The following GRIK3 variants were observed in gnomAD, a reference collection of about 807,000 sequenced individuals.
GRIK3 encodes the protein glutamate ionotropic receptor kainate type subunit 3, also known as glutamate receptor ionotropic, kainate 3.
Under a neutral mutation model 102.5 loss-of-function variants are expected in GRIK3, and 29 were observed. That is an observed-to-expected ratio of 0.28 (90% confidence interval 0.21 to 0.39). The LOEUF is 0.39. GRIK3 is among the 10% of genes least tolerant of loss of function. The probability of loss-of-function intolerance (pLI) is 1.00; values close to 1 mark genes in which losing one functional copy is unlikely to be tolerated. For synonymous variants in GRIK3, 511 were observed against 504.9 expected (o/e 1.01, Z -0.16); for missense variants, 908 against 1,252.4 (o/e 0.73, Z 4.15).
intron 1 of GRIK3, among the ~76,000 whole-genome samples, chr1:37,013,641 T>A (rs1642621810): frequency 6.6e-6 from 1 of 152,234 alleles, no homozygotes; most frequent in African/African-American, 2.4e-5. Context: ...CGTGCAATGC[T>A]GGATCCTCCA....
chr1:36,836,551 A>G (rs1640381628), intron 10 of GRIK3, among the ~76,000 whole-genome samples: 1 of 152,218 alleles, frequency 6.6e-6, no homozygotes, highest in Non-Finnish European at 1.5e-5. Context: ...GTTACTGGGA[A>G]GCAGAGCGGA....
intron 1 of GRIK3, among the ~76,000 whole-genome samples, chr1:36,982,947 G>A (rs972966368): frequency 6.6e-6 from 1 of 152,186 alleles, no homozygotes; most frequent in Non-Finnish European, 1.5e-5. Flanking sequence ...CATCTCCGCG[G>A]ACAATTAAAA....
intron 1 of GRIK3, among the ~76,000 whole-genome samples, chr1:36,981,975 C>T (rs1642253882): frequency 1.3e-5 from 2 of 152,126 alleles, no homozygotes; most frequent in Non-Finnish European, 2.9e-5. Flanking sequence ...AATAAGCAAA[C>T]GGGGAGCGGG....
intron 10 of GRIK3, among the ~76,000 whole-genome samples, chr1:36,829,730 T>C (rs1642795136): frequency 1.3e-5 from 2 of 152,164 alleles, no homozygotes; most frequent in African/African-American, 2.4e-5. Flanking sequence ...TGAGGTCACC[T>C]GGCCCCCACC....
chr1:36,909,693 G>A (rs1641325016), intron 1 of GRIK3, among the ~76,000 whole-genome samples: 1 of 152,034 alleles, frequency 6.6e-6, no homozygotes, highest in Non-Finnish European at 1.5e-5. Flanking sequence ...AGAAGGCTCT[G>A]TAGCTTCCTG....
intron 1 of GRIK3, among the ~76,000 whole-genome samples, chr1:36,967,162 T>C (rs1642089114): frequency 6.6e-6 from 1 of 152,300 alleles, no homozygotes; most frequent in African/African-American, 2.4e-5. Context: ...CACTAGACAA[T>C]GACAATATAG....
chr1:36,851,268 T>C (rs1376302273), intron 8 of GRIK3, among the ~76,000 whole-genome samples: 2 of 152,260 alleles, frequency 1.3e-5, no homozygotes, highest in African/African-American at 2.4e-5. Context: ...TGGGTAATTC[T>C]GCCTTAATCC....
chr1:36,817,478 TC>T (rs1158805249), intron 12 of GRIK3, among the ~76,000 whole-genome samples: 1 of 152,024 alleles, frequency 6.6e-6, no homozygotes, highest in African/African-American at 2.4e-5. Flanking sequence ...CTTGGGCCCT[TC>T]CCCAGCACTC....
chr1:36,955,527 A>G (rs554259559), intron 1 of GRIK3, among the ~76,000 whole-genome samples: 88 of 151,802 alleles, frequency 5.8e-4, no homozygotes, highest in African/African-American at 2.0e-3. Flanking sequence ...ACACAGACAT[A>G]CCCCCGCCCC....
chr1:36,879,882 G>A (rs533736076), intron 3 of GRIK3, among the ~76,000 whole-genome samples: 17 of 152,302 alleles, frequency 1.1e-4, no homozygotes, highest in African/African-American at 1.7e-4. Flanking sequence ...TGGTGCTGAC[G>A]TCTGCAAGCT....
chr1:36,801,760 A>G lies in GRIK3; in HGVS notation c.*91T>C, dbSNP rs1416417269. On this transcript the variant is annotated 3_prime_UTR_variant, in exon 16 of 16. Coordinates refer to ENST00000373091, the MANE Select transcript of GRIK3 (RefSeq NM_000831.4). Reference sequence around the variant, plus strand: ...AGGCAGGTGGCAGCTCTGGTCCCCAAGCCCAGTGCGGGGACAGGGGACGTT... The same window carrying G: ...AGGCAGGTGGCAGCTCTGGTCCCCAGGCCCAGTGCGGGGACAGGGGACGTT... The G allele has an allele frequency of 3.5e-6, 4 of 1,142,430 alleles. No individual in the cohort carries two copies. The highest frequency in any genetic ancestry group is 4.8e-6 in the Non-Finnish European group (4 of 830,528). 70.8% of individuals were successfully genotyped at this position (1,142,430 alleles called of 1,614,324 possible). A position where few individuals can be genotyped will look rare whatever the true frequency, so the allele number is the denominator to read the frequency against.
rs569221879 is a variant in GRIK3 at position 36,859,878 on chromosome 1, C to T, written c.926G>A (p.Arg309Gln). ...WSMERLQAAP[R>Q]SESGLLDGVM... ...TCCATCCAGCAGGCCAGACTCGGAC[C>T]GGGGAGCTGCCTGCAGCCGCTCCAT... Residue 309 changes from arginine (R) to glutamine (Q), a missense_variant, in exon 6 of 16, where the codon CGG (arginine) becomes CAG (glutamine). By Grantham distance (43) the Arg-to-Gln change is conservative. Coordinates refer to ENST00000373091, the MANE Select transcript of GRIK3 (RefSeq NM_000831.4). The T allele has an allele frequency of 5.9e-5, 96 of 1,614,016 alleles. No homozygotes were observed. Among genetic ancestry groups the T allele is most frequent in the Middle Eastern group, 1.7e-4 (1 of 6,050 alleles).
chr1:37,003,083 A>G (rs1044027256), intron 1 of GRIK3, among the ~76,000 whole-genome samples: 1 of 148,262 alleles, frequency 6.7e-6, no homozygotes, highest in African/African-American at 2.5e-5. Flanking sequence ...GGAAAGATAC[A>G]GTTTCCCTTT....
At chr1:36,897,118 A>G (rs1291054988) in intron 1 of GRIK3, among the ~76,000 whole-genome samples, 1 of 152,214 alleles carries the variant, frequency 6.6e-6, no homozygotes, top group Non-Finnish European at 1.5e-5. Flanking sequence ...CACCACTTCT[A>G]TTAAACATTC....
chr1:36,998,972 C>T (rs1642447224), intron 1 of GRIK3, among the ~76,000 whole-genome samples: 1 of 147,666 alleles, frequency 6.8e-6, no homozygotes, highest in Admixed American at 6.7e-5. Flanking sequence ...CTCTGCAGAA[C>T]TTTGGAAGTG....
intron 1 of GRIK3, among the ~76,000 whole-genome samples, chr1:36,896,492 TA>T (rs55798373): frequency 6.6e-6 from 1 of 151,888 alleles, no homozygotes; most frequent in Non-Finnish European, 1.5e-5. Context: ...GGGCAACTAC[TA>T]AAAAAATAGT....
At chr1:36,879,338 T>G (rs904089362) in intron 3 of GRIK3, among the ~76,000 whole-genome samples, 1 of 151,846 alleles carries the variant, frequency 6.6e-6, no homozygotes, top group South Asian at 2.1e-4. Flanking sequence ...TACAAAAAAA[T>G]ACAAAATTAG....
chr1:36,961,401 G>GA (rs11409279), intron 1 of GRIK3, among the ~76,000 whole-genome samples: 109,457 of 152,060 alleles, frequency 0.72, 39,827 homozygotes, highest in East Asian at 0.96. Flanking sequence ...CCCATCAGAG[G>GA]AAAAAAAAGC....
intron 11 of GRIK3, among the ~76,000 whole-genome samples, chr1:36,825,003 G>A (rs944721025): frequency 1.3e-5 from 2 of 152,156 alleles, no homozygotes; most frequent in African/African-American, 2.4e-5. Context: ...AACACTGGGC[G>A]AAACCTGTCC....
Sources: gnomAD v4.1 joint callset for allele counts (sites outside exome capture counted in the v4.1 genomes callset) on GRCh38, gnomAD v4.1.1 for gene constraint, MANE v1.5 for transcripts, NCBI Gene and HGNC (gene_info 2026-07-23, HGNC 2026-07-21) for gene names.